MCF2L: variants seen among roughly 807,000 people sequenced by gnomAD.
MCF2L encodes the protein MCF.2 cell line derived transforming sequence like, also known as guanine nucleotide exchange factor DBS.
MCF2L carries 97 observed loss-of-function variants against 153.4 expected under a neutral mutation model. That is an observed-to-expected ratio of 0.63 (90% CI 0.54 to 0.75). The LOEUF is 0.75. MCF2L is among the 30% of genes least tolerant of loss of function. The pLI is 0.00. For synonymous variants in MCF2L, 659 were observed against 632.2 expected, an observed-to-expected ratio of 1.04 and a Z score of -0.64; for missense variants, 1,347 against 1,495.2, an observed-to-expected ratio of 0.90 and a Z score of 1.64.
intron 1 of MCF2L, among the ~76,000 whole-genome samples, chr13:112,978,220 G>A (rs1030595215): frequency 1.3e-5 from 2 of 152,210 alleles, no homozygotes; most frequent in African/African-American, 2.4e-5. Context: ...AACGGGGTTC[G>A]TGGTCTCTGC....
intron 1 of MCF2L, among the ~76,000 whole-genome samples, chr13:112,997,705 C>T (rs1309778249): frequency 3.3e-5 from 5 of 152,250 alleles, no homozygotes; most frequent in South Asian, 4.1e-4. Flanking sequence ...ACCCCACCCT[C>T]GTCCGTCACA....
chr13:113,024,816 T>C, intron 3 of MCF2L, 58 bp downstream of exon 3: 1 of 1,361,218 alleles, frequency 7.3e-7, no homozygotes, highest in Non-Finnish European at 1.1e-6. Flanking sequence ...CCTGTGAGAT[T>C]TCACCAGGGT....
chr13:112,946,774 T>C (rs2081641628), intron 2 of MCF2L, among the ~76,000 whole-genome samples: 1 of 152,184 alleles, frequency 6.6e-6, no homozygotes, highest in Non-Finnish European at 1.5e-5. Flanking sequence ...CTTTAGAAAC[T>C]AACCCACAAA....
intron 2 of MCF2L, among the ~76,000 whole-genome samples, chr13:113,017,983 G>A (rs555055445): frequency 2.0e-5 from 3 of 152,322 alleles, no homozygotes; most frequent in Non-Finnish European, 4.4e-5. Flanking sequence ...CCCTCCCTGC[G>A]ACGTTCGTGC....
Position 113,081,399 on chromosome 13 carries a change from G to A in MCF2L, c.1875+120G>A, listed in dbSNP as rs996499969. 18 of 994,222 alleles carry A rather than the reference G, an allele frequency of 1.8e-5. No homozygotes were observed. The East Asian group carries it at 4.6e-4, about 25-fold the overall frequency. 61.6% of individuals were successfully genotyped at this position (994,222 alleles called of 1,614,324 possible). On this transcript the variant is annotated intron_variant, in intron 16 of 29. Coordinates refer to ENST00000535094, the MANE Select transcript of MCF2L (RefSeq NM_001112732.3). ...CTGTCCACCAAATGCATGTGAGAGA[G>A]CGCCCACAGCAGCCTGGTCGGGCCC...
At chr13:112,999,265 A>T (rs8002283) in intron 1 of MCF2L, among the ~76,000 whole-genome samples, 2 of 151,900 alleles carry the variant, frequency 1.3e-5, no homozygotes, top group African/African-American at 4.8e-5. Flanking sequence ...GAAGGAGCAC[A>T]GCCTTTGCCC....
At chr13:112,989,338 T>G (rs1381206942) in intron 1 of MCF2L, among the ~76,000 whole-genome samples, 1 of 140,374 alleles carries the variant, frequency 7.1e-6, no homozygotes, top group Non-Finnish European at 1.5e-5. Flanking sequence ...GCCCGAGTCC[T>G]CCCTGAGCAG....
At chr13:112,899,659 A>C (rs1418518328) in intron 1 of MCF2L, among the ~76,000 whole-genome samples, 1 of 152,076 alleles carries the variant, frequency 6.6e-6, no homozygotes, top group Non-Finnish European at 1.5e-5. Flanking sequence ...CACCTGCCCC[A>C]AGACTCCTGG....
At chr13:112,984,468 C>A (rs756335516) in intron 1 of MCF2L, among the ~76,000 whole-genome samples, 13 of 152,116 alleles carry the variant, frequency 8.5e-5, no homozygotes, top group Non-Finnish European at 1.5e-4. Context: ...AAACTTCTGA[C>A]CTTATGTGAT....
intron 9 of MCF2L, among the ~76,000 whole-genome samples, chr13:113,072,540 A>T (rs917445810): frequency 1.3e-5 from 2 of 152,240 alleles, no homozygotes; most frequent in African/African-American, 2.4e-5. Flanking sequence ...GGAGACTTTT[A>T]AAATTATGAA....
At chr13:113,088,463 C>T (rs9549668) in intron 24 of MCF2L, 58 bp downstream of exon 24, 298,502 of 1,607,718 alleles carry the variant, frequency 0.19, 30,687 homozygotes, top group East Asian at 0.46. Context: ...GCATTTTTAC[C>T]TATGTTCAGA....
At chr13:112,977,501 G>A (rs1316737313) in intron 1 of MCF2L, among the ~76,000 whole-genome samples, 9 of 152,220 alleles carry the variant, frequency 5.9e-5, no homozygotes, top group Admixed American at 2.0e-4. Flanking sequence ...GATCGTGAGT[G>A]AGGTTCATAT....
chr13:112,979,991 T>C (rs1411002492), intron 1 of MCF2L, among the ~76,000 whole-genome samples: 1 of 152,228 alleles, frequency 6.6e-6, no homozygotes, highest in African/African-American at 2.4e-5. Flanking sequence ...CCTGCAGTTC[T>C]GGAACCTGGG....
chr13:113,096,806 T>C lies in MCF2L; in HGVS notation c.3325T>C (p.Ser1109Pro). 6.4e-7 allele frequency: 1 copy of C among 1,553,864 alleles called. No individual in the cohort carries two copies. Among genetic ancestry groups the C allele is most frequent in the African/African-American group, 1.4e-5 (1 of 70,526 alleles). ...CCCGGGGTCGGCCGTGCTGAGCAACTCGTCCAGCTGCAGCGAGGGCGGCCA... is the reference window on the plus strand; with the variant it reads ...CCCGGGGTCGGCCGTGCTGAGCAACCCGTCCAGCTGCAGCGAGGGCGGCCA... ...SSPGSAVLSNSSSCSEGGQAP... is the reference protein window; with the variant it reads ...SSPGSAVLSNPSSCSEGGQAP... The change falls in exon 30 of 30, where the codon TCG becomes CCG. Residue 1109 changes from serine (S) to proline (P), a missense_variant. Ser to Pro is a moderately conservative substitution (Grantham distance 74). This residue lies in a region of MCF2L where 383 missense variants were observed against 335.4 expected (regional missense o/e 1.14). Transcript: ENST00000535094.
chr13:113,087,902 G>A, intron 23 of MCF2L, 103 bp downstream of exon 23: 1 of 948,964 alleles, frequency 1.1e-6, no homozygotes, highest in Non-Finnish European at 1.7e-6. Flanking sequence ...GAGCCCAGGA[G>A]CAGCCGCTGT....
chr13:113,084,885 G>A lies in MCF2L; in HGVS notation c.2062-7G>A, dbSNP rs1227013718. 7 of 1,610,368 alleles carry A rather than the reference G, an allele frequency of 4.3e-6. No individual in the cohort carries two copies. Among genetic ancestry groups the A allele is most frequent in the South Asian group, 2.2e-5 (2 of 91,000 alleles). On this transcript the variant is annotated splice_polypyrimidine_tract_variant and splice_region_variant and intron_variant, in intron 18 of 29. Coordinates refer to ENST00000535094, the MANE Select transcript of MCF2L (RefSeq NM_001112732.3). Reference sequence around the variant, plus strand: ...CTGCGTGATGCGGTGCCTGTCCCTCGGTGCAGATGGAAGATTTCCAGATCT... The same window carrying A: ...CTGCGTGATGCGGTGCCTGTCCCTCAGTGCAGATGGAAGATTTCCAGATCT...
At chr13:112,926,227 C>T (rs1301318366) in intron 2 of MCF2L, among the ~76,000 whole-genome samples, 1 of 151,792 alleles carries the variant, frequency 6.6e-6, no homozygotes, top group Non-Finnish European at 1.5e-5. Flanking sequence ...GAGTACTGTA[C>T]GGCCTAATCT....
At chr13:112,976,142 GT>G (rs35742533) in intron 1 of MCF2L, among the ~76,000 whole-genome samples, 65,304 of 149,908 alleles carry the variant, frequency 0.44, 15,005 homozygotes, top group African/African-American at 0.59. Context: ...AATGTTCCGG[GT>G]TTTTTTTTTT....
intron 1 of MCF2L, among the ~76,000 whole-genome samples, chr13:112,976,692 G>A (rs756915755): frequency 6.6e-5 from 10 of 152,190 alleles, no homozygotes; most frequent in Non-Finnish European, 1.0e-4. Flanking sequence ...CTTCCCTGGC[G>A]GGTCCCGGGC....
Sources: gnomAD v4.1 joint callset for allele counts (sites outside exome capture counted in the v4.1 genomes callset) on GRCh38, gnomAD v4.1.1 for gene constraint, gnomAD v4.1.1 regional missense constraint, MANE v1.5 for transcripts, NCBI Gene and HGNC (gene_info 2026-07-23, HGNC 2026-07-21) for gene names.